ABCB4: variants seen among roughly 807,000 people sequenced by gnomAD.
The protein encoded by ABCB4 is phosphatidylcholine translocator ABCB4.
A neutral mutation model predicts 145.7 loss-of-function variants in ABCB4; 76 were observed. That is an observed-to-expected ratio of 0.52 (90% CI 0.43 to 0.63). The LOEUF is 0.63. Among genes scored for constraint, ABCB4 ranks in the 30% least tolerant of loss-of-function variants. The pLI, the probability that ABCB4 is intolerant of heterozygous loss-of-function variation, is 0.00. For missense variants in ABCB4, 1,234 were observed against 1,553.1 expected (o/e 0.79, Z 3.45); for synonymous variants, 517 against 566.8 (o/e 0.91, Z 1.25).
intron 15 of ABCB4, among the ~76,000 whole-genome samples, chr7:87,431,044 C>T (rs908971839): frequency 3.2e-4 from 49 of 152,186 alleles, no homozygotes; most frequent in African/African-American, 1.1e-3. Context: ...AAGTCTCTGG[C>T]ATTCCATATA....
Position 87,426,695 on chromosome 7 carries a change from T to C in ABCB4, c.2064+55A>G, listed in dbSNP as rs1017054. 0.09 allele frequency: 138,862 copies of C among 1,547,618 alleles called. 9,295 individuals are homozygous for C. Among genetic ancestry groups the C allele is most frequent in the African/African-American group, 0.35 (25,403 of 73,376 alleles). ...ATATTTGCAAGGCTAAGAATTTCAATAATTGTAGCAAAACTACAAAGTAAA... is the reference window on the plus strand; with the variant it reads ...ATATTTGCAAGGCTAAGAATTTCAACAATTGTAGCAAAACTACAAAGTAAA... On this transcript the variant is annotated intron_variant, in intron 16 of 27. Coordinates refer to ENST00000649586, the MANE Select transcript of ABCB4 (RefSeq NM_000443.4).
At chr7:87,454,457 T>C (rs1305050623) in intron 5 of ABCB4, 78 bp downstream of exon 5, 1 of 1,159,440 alleles carries the variant, frequency 8.6e-7, no homozygotes, top group Non-Finnish European at 1.3e-6. Context: ...ACACGTTATT[T>C]GTATATTCTT....
Position 87,462,817 on chromosome 7 carries a change from A to G in ABCB4, c.227T>C (p.Ile76Thr), listed in dbSNP as rs1345281768. 3.1e-6 allele frequency: 5 copies of G among 1,613,914 alleles called. No homozygotes were observed. Among genetic ancestry groups the G allele is most frequent in the South Asian group, 1.1e-5 (1 of 91,066 alleles). ...AHGSGLPLMMIVFGEMTDKFV... is the reference protein window; with the variant it reads ...AHGSGLPLMMTVFGEMTDKFV... ...TTTGTCAGTCATCTCTCCAAATACTATCATCATGAGGGGGAGACCTGATCC... is the reference window on the plus strand; with the variant it reads ...TTTGTCAGTCATCTCTCCAAATACTGTCATCATGAGGGGGAGACCTGATCC... Residue 76 changes from isoleucine (I) to threonine (T), a missense_variant, in exon 4 of 28, where the codon ATA becomes ACA. Ile to Thr is a moderately conservative substitution (Grantham distance 89). Transcript: ENST00000649586.
intron 21 of ABCB4, among the ~76,000 whole-genome samples, chr7:87,416,109 T>C (rs902057644): frequency 1.3e-5 from 2 of 152,142 alleles, no homozygotes; most frequent in South Asian, 4.1e-4. Flanking sequence ...AAGCTCCAAG[T>C]CTTGGAGAGG....
intron 3 of ABCB4, 23 bp from the exon 4 acceptor site, chr7:87,462,931 T>C (rs1243069412): frequency 5.6e-6 from 9 of 1,604,572 alleles, no homozygotes; most frequent in Non-Finnish European, 6.0e-6. Context: ...AATAAAATAA[T>C]ACTTAGCTGT....
chr7:87,442,845 C>G (rs1163201901), intron 12 of ABCB4, among the ~76,000 whole-genome samples: 9 of 152,112 alleles, frequency 5.9e-5, no homozygotes, highest in Non-Finnish European at 1.2e-4. Flanking sequence ...AGAATTTTCT[C>G]AAGAGACTAG....
intron 4 of ABCB4, among the ~76,000 whole-genome samples, chr7:87,460,545 G>T (rs1220980395): frequency 6.6e-6 from 1 of 151,964 alleles, no homozygotes; most frequent in Non-Finnish European, 1.5e-5. Context: ...GCAGTATTTG[G>T]TTTTCTATTC....
chr7:87,390,528 C>T, the ABCB4 span, among the ~76,000 whole-genome samples: 1 of 152,168 alleles, frequency 6.6e-6, no homozygotes, highest in Non-Finnish European at 1.5e-5. Flanking sequence ...GAGACAGAAA[C>T]ACTGAACAGA....
the ABCB4 span, chr7:87,375,953 G>C: frequency 1.3e-4 from 208 of 1,560,858 alleles, no homozygotes; most frequent in Non-Finnish European, 2.1e-5. Flanking sequence ...ATTATTCTGA[G>C]GTACTTAACT....
intron 15 of ABCB4, among the ~76,000 whole-genome samples, chr7:87,430,236 T>C (rs777111989): frequency 1.3e-5 from 2 of 152,140 alleles, no homozygotes; most frequent in Non-Finnish European, 2.9e-5. Flanking sequence ...TTTCACACAT[T>C]AATAAAATGA....
intron 12 of ABCB4, among the ~76,000 whole-genome samples, chr7:87,442,431 A>G (rs1478637956): frequency 3.3e-5 from 5 of 152,150 alleles, no homozygotes; most frequent in African/African-American, 1.2e-4. Flanking sequence ...TTTCACAATT[A>G]TTGAATTATA....
the ABCB4 span, chr7:87,393,209 C>G: frequency 1.2e-6 from 1 of 864,656 alleles, no homozygotes. Context: ...TCCACTTAGG[C>G]ATTTAATGCA....
chr7:87,396,451 G>T, the ABCB4 span, among the ~76,000 whole-genome samples: 10 of 152,262 alleles, frequency 6.6e-5, no homozygotes, highest in East Asian at 1.9e-3. Flanking sequence ...GACTGTTTTT[G>T]ATGGCTTTTA....
chr7:87,456,769 G>C (rs1418513008), intron 4 of ABCB4, among the ~76,000 whole-genome samples: 1 of 152,060 alleles, frequency 6.6e-6, no homozygotes, highest in African/African-American at 2.4e-5. Flanking sequence ...TCCTTTCTCA[G>C]AGTCTCAAGA....
intron 4 of ABCB4, among the ~76,000 whole-genome samples, chr7:87,460,553 T>C (rs986598688): frequency 1.3e-5 from 2 of 152,226 alleles, no homozygotes; most frequent in East Asian, 3.8e-4. Context: ...TGGTTTTCTA[T>C]TCTTGTGTTA....
At chr7:87,398,044 C>T (rs1346846861), downstream of ABCB4, among the ~76,000 whole-genome samples, 2 of 150,774 alleles carry the variant, frequency 1.3e-5, no homozygotes, top group Non-Finnish European at 2.9e-5. Context: ...GACTTGATCC[C>T]AAGAGTTTCT....
intron 8 of ABCB4, among the ~76,000 whole-genome samples, chr7:87,447,664 T>C (rs926796867): frequency 1.3e-5 from 2 of 152,188 alleles, no homozygotes; most frequent in Admixed American, 6.5e-5. Flanking sequence ...GTCCCTCTAT[T>C]GTCCACTGGG....
intron 18 of ABCB4, among the ~76,000 whole-genome samples, chr7:87,421,240 T>C (rs1013648132): frequency 1.3e-5 from 2 of 152,184 alleles, no homozygotes; most frequent in African/African-American, 4.8e-5. Flanking sequence ...ACATCAGAAC[T>C]GTTTACTAAG....
At chr7:87,467,315 A>T (rs571604138) in intron 3 of ABCB4, among the ~76,000 whole-genome samples, 49 of 152,268 alleles carry the variant, frequency 3.2e-4, no homozygotes, top group Non-Finnish European at 6.8e-4. Flanking sequence ...GCCATTACAT[A>T]ATGGTAAACG....
Sources: allele counts gnomAD v4.1 joint callset (sites outside exome capture counted in the v4.1 genomes callset), GRCh38; gene constraint gnomAD v4.1.1; transcripts MANE v1.5; gene names NCBI Gene and HGNC (gene_info 2026-07-23, HGNC 2026-07-21).